The following ZPBP variants were observed in gnomAD, a reference collection of about 807,000 sequenced individuals.
The protein encoded by ZPBP is zona pellucida-binding protein 1.
Under a neutral mutation model 44.8 loss-of-function variants are expected in ZPBP, and 26 were observed. The observed-to-expected ratio is 0.58, with a 90% CI of 0.43 to 0.81. The LOEUF (loss-of-function observed/expected upper bound fraction) is 0.81. ZPBP is among the 30% of genes least tolerant of loss of function. The pLI is 0.00. For synonymous variants in ZPBP, 174 were observed against 153.2 expected (o/e 1.14, Z -1.00); for missense variants, 409 against 434.0 (o/e 0.94, Z 0.51).
At chr7:50,083,360 C>A (rs948040828) in intron 2 of ZPBP, among the ~76,000 whole-genome samples, 4 of 151,858 alleles carry the variant, frequency 2.6e-5, no homozygotes, top group African/African-American at 7.2e-5. Flanking sequence ...CAGGCTCTAA[C>A]AAAAGACATA....
At chr7:49,980,667 G>A (rs1336439805) in intron 7 of ZPBP, among the ~76,000 whole-genome samples, 1 of 151,938 alleles carries the variant, frequency 6.6e-6, no homozygotes, top group African/African-American at 2.4e-5. Context: ...AGCTCTCACA[G>A]GAACTAACAG....
At chr7:49,935,193 G>A (rs1042957155), downstream of ZPBP, among the ~76,000 whole-genome samples, 2 of 151,968 alleles carry the variant, frequency 1.3e-5, no homozygotes, top group African/African-American at 4.8e-5. Flanking sequence ...AAATTATTAA[G>A]GATATAACTG....
intron 2 of ZPBP, among the ~76,000 whole-genome samples, chr7:49,895,760 A>G (rs888990496): frequency 3.3e-5 from 5 of 152,116 alleles, no homozygotes; most frequent in African/African-American, 1.2e-4. Flanking sequence ...TAGCATATAA[A>G]TATAAAAATT....
At chr7:50,015,383 A>G (rs1394928177) in intron 6 of ZPBP, among the ~76,000 whole-genome samples, 2 of 152,102 alleles carry the variant, frequency 1.3e-5, no homozygotes, top group African/African-American at 4.8e-5. Flanking sequence ...AAAGATTGAA[A>G]TTTCATCCCT....
At chr7:49,858,449 G>C (rs552309233) in intron 2 of ZPBP, among the ~76,000 whole-genome samples, 4 of 151,174 alleles carry the variant, frequency 2.6e-5, no homozygotes, top group African/African-American at 9.7e-5. Flanking sequence ...GCAAACTATC[G>C]CAAGGACAAA....
chr7:49,951,481 A>G (rs1261993611), intron 7 of ZPBP, among the ~76,000 whole-genome samples: 2 of 151,702 alleles, frequency 1.3e-5, no homozygotes, highest in East Asian at 1.9e-4. Context: ...TACATCATTC[A>G]GGAAATACAA....
At chr7:50,083,361 A>T (rs1000741402) in intron 2 of ZPBP, among the ~76,000 whole-genome samples, 7 of 151,974 alleles carry the variant, frequency 4.6e-5, no homozygotes, top group Non-Finnish European at 1.0e-4. Context: ...AGGCTCTAAC[A>T]AAAGACATAA....
intron 6 of ZPBP, among the ~76,000 whole-genome samples, chr7:49,992,003 A>G (rs976216157): frequency 6.6e-6 from 1 of 152,152 alleles, no homozygotes; most frequent in Non-Finnish European, 1.5e-5. Flanking sequence ...AACTGAGGAG[A>G]AAACTACAAA....
At chr7:49,944,883 A>G (rs909149301) in intron 7 of ZPBP, among the ~76,000 whole-genome samples, 5 of 150,200 alleles carry the variant, frequency 3.3e-5, no homozygotes, top group Non-Finnish European at 7.4e-5. Context: ...TATTCCTTCT[A>G]CTAATTTGGG....
At chr7:49,937,404 T>C, downstream of ZPBP, 2 of 751,588 alleles carry the variant, frequency 2.7e-6, no homozygotes, top group South Asian at 1.6e-5. Context: ...ATACAGTATT[T>C]GATTAAAATG....
At chr7:49,873,662 A>T (rs551038377) in intron 2 of ZPBP, among the ~76,000 whole-genome samples, 1 of 152,320 alleles carries the variant, frequency 6.6e-6, no homozygotes, top group East Asian at 1.9e-4. Context: ...ATTATGCAGT[A>T]ATCATGAATT....
chr7:50,002,458 G>A (rs1261668203), intron 6 of ZPBP, among the ~76,000 whole-genome samples: 1 of 152,068 alleles, frequency 6.6e-6, no homozygotes, highest in Non-Finnish European at 1.5e-5. Flanking sequence ...CTGGGCTCTA[G>A]CGACTCATCT....
At chr7:49,979,428 G>A (rs921713675) in intron 7 of ZPBP, among the ~76,000 whole-genome samples, 9 of 151,988 alleles carry the variant, frequency 5.9e-5, no homozygotes, top group African/African-American at 1.9e-4. Flanking sequence ...TGAGATTCAT[G>A]TTAAATTATC....
chr7:49,947,186 T>C (rs1198760547), intron 7 of ZPBP, among the ~76,000 whole-genome samples: 2 of 152,188 alleles, frequency 1.3e-5, no homozygotes, highest in East Asian at 1.9e-4. Flanking sequence ...TTTCCCAAGA[T>C]TGATCACCGG....
intron 2 of ZPBP, among the ~76,000 whole-genome samples, chr7:49,852,002 G>A (rs1790199679): frequency 6.6e-6 from 1 of 152,174 alleles, no homozygotes; most frequent in African/African-American, 2.4e-5. Flanking sequence ...ATCCCCTGTA[G>A]ATCACTGCTG....
downstream of ZPBP, among the ~76,000 whole-genome samples, chr7:49,847,862 G>A (rs1357821419): frequency 6.6e-6 from 1 of 152,160 alleles, no homozygotes; most frequent in Non-Finnish European, 1.5e-5. Flanking sequence ...ATGGGGATGT[G>A]AGCTCTGATT....
chr7:50,021,918 A>G (rs1410235321), intron 5 of ZPBP, among the ~76,000 whole-genome samples: 1 of 152,180 alleles, frequency 6.6e-6, no homozygotes. Flanking sequence ...AAAAAATCAA[A>G]GACAGAGAGT....
chr7:50,051,966 AT>A (rs34850707), intron 4 of ZPBP, among the ~76,000 whole-genome samples: 43 of 151,612 alleles, frequency 2.8e-4, no homozygotes, highest in African/African-American at 7.5e-4. Context: ...AATGAAAATA[AT>A]TTTTTTTTAA....
chr7:49,999,310 G>T (rs1703706174), intron 6 of ZPBP, among the ~76,000 whole-genome samples: 1 of 150,864 alleles, frequency 6.6e-6, no homozygotes, highest in Non-Finnish European at 1.5e-5. Context: ...ATATAATGTG[G>T]TGGTGTTATA....
Sources: gnomAD v4.1 joint callset for allele counts (sites outside exome capture counted in the v4.1 genomes callset) on GRCh38, gnomAD v4.1.1 for gene constraint, MANE v1.5 for transcripts, NCBI Gene and HGNC (gene_info 2026-07-23, HGNC 2026-07-21) for gene names.